IGSF21: variants seen among roughly 807,000 people sequenced by gnomAD.
IGSF21 encodes the protein immunoglobin superfamily member 21.
IGSF21 carries 28 observed loss-of-function variants against 46.8 expected under a neutral mutation model. The observed-to-expected ratio is 0.60, with a 90% CI of 0.44 to 0.82. IGSF21 has a LOEUF of 0.82. Among genes scored for constraint, IGSF21 ranks in the 40% least tolerant of loss-of-function variants. IGSF21 has a pLI of 0.00. For missense variants in IGSF21, 624 were observed against 665.5 expected (o/e 0.94, Z 0.69); for synonymous variants, 284 against 273.6 (o/e 1.04, Z -0.38).
At chr1:18,359,610 C>T (rs1037570069) in intron 4 of IGSF21, among the ~76,000 whole-genome samples, 1 of 152,158 alleles carries the variant, frequency 6.6e-6, no homozygotes, top group Non-Finnish European at 1.5e-5. Context: ...AAAGGAGTCG[C>T]CTGCCTGGTT....
At chr1:18,359,081 T>G (rs1157530143) in intron 4 of IGSF21, among the ~76,000 whole-genome samples, 2 of 151,794 alleles carry the variant, frequency 1.3e-5, no homozygotes, top group African/African-American at 4.8e-5. Context: ...TTGGACAATA[T>G]AGCAAGACCC....
chr1:18,284,154 G>A (rs1440397576), intron 2 of IGSF21, among the ~76,000 whole-genome samples: 2 of 152,114 alleles, frequency 1.3e-5, no homozygotes, highest in Non-Finnish European at 2.9e-5. Flanking sequence ...ACTCACAAAG[G>A]CACCAGTGGA....
intron 3 of IGSF21, among the ~76,000 whole-genome samples, chr1:18,319,691 A>G (rs1425841046): frequency 6.6e-6 from 1 of 152,148 alleles, no homozygotes; most frequent in Non-Finnish European, 1.5e-5. Context: ...CATTTGTTTC[A>G]TCTATTCTAC....
At chr1:18,371,009 T>A (rs1190922728) in intron 6 of IGSF21, among the ~76,000 whole-genome samples, 1 of 152,190 alleles carries the variant, frequency 6.6e-6, no homozygotes, top group Non-Finnish European at 1.5e-5. Context: ...TTTGAAAAAC[T>A]GGCAGTTTCT....
At chr1:18,284,565 TG>T (rs1320162199) in intron 2 of IGSF21, among the ~76,000 whole-genome samples, 7 of 152,222 alleles carry the variant, frequency 4.6e-5, no homozygotes, top group African/African-American at 1.7e-4. Context: ...CTCACAACTC[TG>T]GGGTGTGAGT....
intron 2 of IGSF21, among the ~76,000 whole-genome samples, chr1:18,260,349 G>T (rs2084935188): frequency 6.6e-6 from 1 of 152,240 alleles, no homozygotes; most frequent in African/African-American, 2.4e-5. Flanking sequence ...GGGTGGGGGA[G>T]CCCCAAAATT....
chr1:18,300,337 G>A (rs561915266), intron 3 of IGSF21, among the ~76,000 whole-genome samples: 19 of 152,292 alleles, frequency 1.2e-4, no homozygotes, highest in African/African-American at 3.6e-4. Context: ...CCACCTGCTC[G>A]GATGTGCACA....
At chr1:18,187,239 AGAG>A (rs2086912466) in intron 1 of IGSF21, among the ~76,000 whole-genome samples, 1 of 151,974 alleles carries the variant, frequency 6.6e-6, no homozygotes, top group Non-Finnish European at 1.5e-5. Context: ...AGAGAGAGAG[AGAG>A]AAAGAGCGAG....
At chr1:18,228,148 G>C in intron 2 of IGSF21, 138 bp downstream of exon 2, 1 of 652,250 alleles carries the variant, frequency 1.5e-6, no homozygotes, top group African/African-American at 1.8e-5. Flanking sequence ...CATCTGCTGG[G>C]TCCCCGCCCT....
At chr1:18,249,532 G>A (rs557473187) in intron 2 of IGSF21, among the ~76,000 whole-genome samples, 1 of 152,098 alleles carries the variant, frequency 6.6e-6, no homozygotes, top group Non-Finnish European at 1.5e-5. Context: ...GTGGACATTG[G>A]GGGCAGCCTC....
At chr1:18,199,138 C>T (rs183883143) in intron 1 of IGSF21, among the ~76,000 whole-genome samples, 61 of 152,120 alleles carry the variant, frequency 4.0e-4, no homozygotes, top group Non-Finnish European at 7.1e-4. Flanking sequence ...TTTTGCAAGG[C>T]CCCCCGGTAC....
At chr1:18,131,860 C>A (rs916740662) in intron 1 of IGSF21, among the ~76,000 whole-genome samples, 3 of 152,112 alleles carry the variant, frequency 2.0e-5, no homozygotes, top group Non-Finnish European at 2.9e-5. Flanking sequence ...ATACAAAGGT[C>A]ACTGGCCACA....
chr1:18,163,372 A>G (rs937472516), intron 1 of IGSF21, among the ~76,000 whole-genome samples: 20 of 152,178 alleles, frequency 1.3e-4, no homozygotes, highest in African/African-American at 4.8e-4. Flanking sequence ...CAGAAGGGAT[A>G]AAAGAGAAAG....
intron 1 of IGSF21, among the ~76,000 whole-genome samples, chr1:18,159,100 G>A (rs1435725435): frequency 6.6e-6 from 1 of 152,178 alleles, no homozygotes; most frequent in African/African-American, 2.4e-5. Context: ...ATCACATCGT[G>A]CTGTCACTGT....
chr1:18,205,416 G>T (rs532062496), intron 1 of IGSF21, among the ~76,000 whole-genome samples: 1 of 152,058 alleles, frequency 6.6e-6, no homozygotes, highest in African/African-American at 2.4e-5. Context: ...CCTTTCCAGC[G>T]AGAAAAATCA....
intron 1 of IGSF21, among the ~76,000 whole-genome samples, chr1:18,139,198 G>A (rs1000403447): frequency 5.9e-5 from 9 of 152,254 alleles, no homozygotes; most frequent in South Asian, 2.1e-4. Flanking sequence ...TTTAAATCTT[G>A]GTAACACTTT....
At chr1:18,307,076 G>T (rs1321941238) in intron 3 of IGSF21, among the ~76,000 whole-genome samples, 1 of 152,202 alleles carries the variant, frequency 6.6e-6, no homozygotes, top group Non-Finnish European at 1.5e-5. Flanking sequence ...TATTTGGAGA[G>T]GTTTGGGGAG....
At chr1:18,149,715 C>T (rs926009310) in intron 1 of IGSF21, among the ~76,000 whole-genome samples, 1 of 152,022 alleles carries the variant, frequency 6.6e-6, no homozygotes, top group Non-Finnish European at 1.5e-5. Flanking sequence ...ATCAGCCTGG[C>T]TTCACTGATC....
At chr1:18,218,152 C>G (rs1336827888) in intron 1 of IGSF21, among the ~76,000 whole-genome samples, 2 of 152,148 alleles carry the variant, frequency 1.3e-5, no homozygotes, top group African/African-American at 4.8e-5. Context: ...GGAAGCATGG[C>G]TGGGAGGCCT....
Sources: gnomAD v4.1 joint callset for allele counts (sites outside exome capture counted in the v4.1 genomes callset) on GRCh38, gnomAD v4.1.1 for gene constraint, MANE v1.5 for transcripts, NCBI Gene and HGNC (gene_info 2026-07-23, HGNC 2026-07-21) for gene names.